The following SASH1 variants were observed in gnomAD, a reference collection of about 807,000 sequenced individuals.
The protein encoded by SASH1 is SAM and SH3 domain containing 1.
A neutral mutation model predicts 125.2 loss-of-function variants in SASH1; 44 were observed. The ratio of observed to expected loss-of-function variants is 0.35; its 90% CI spans 0.28 to 0.45. SASH1 has a LOEUF of 0.45. SASH1 is among the 20% of genes least tolerant of loss of function. The probability of loss-of-function intolerance (pLI) is 1.00; values close to 1 mark genes in which losing one functional copy is unlikely to be tolerated. For missense variants in SASH1, 1,426 were observed against 1,614.5 expected (o/e 0.88, Z 2.00); for synonymous variants, 639 against 649.1 (o/e 0.98, Z 0.24).
chr6:148,510,153 C>T (rs1287386270), intron 8 of SASH1, among the ~76,000 whole-genome samples: 1 of 152,176 alleles, frequency 6.6e-6, no homozygotes, highest in East Asian at 1.9e-4. Flanking sequence ...GCATTCACCA[C>T]AGAATTACTA....
At chr6:148,362,210 A>G (rs1316957179) in intron 1 of SASH1, among the ~76,000 whole-genome samples, 1 of 145,666 alleles carries the variant, frequency 6.9e-6, no homozygotes, top group Non-Finnish European at 1.5e-5. Flanking sequence ...TACAGGCGTG[A>G]GCCACCGTGC....
intron 1 of SASH1, among the ~76,000 whole-genome samples, chr6:148,360,620 A>C: frequency 7.4e-6 from 1 of 135,030 alleles, no homozygotes; most frequent in Non-Finnish European, 1.6e-5. Flanking sequence ...CAGTGTTGGG[A>C]TTACAGGCGT....
At chr6:148,196,687 GAAGGTCAAAATATA>G in the SASH1 span, among the ~76,000 whole-genome samples, 2 of 152,192 alleles carry the variant, frequency 1.3e-5, no homozygotes, top group African/African-American at 2.4e-5. Context: ...CTTGACTCAG[GAAGGTCAAAATATA>G]ATTGTGAGAT....
rs536421240 is a variant in SASH1, at chr6:148,375,374, A to G, written c.157-14760A>G. ...AAGAGGTTAACACACCTATTATCTC[A>G]CATAGTTAACTTTTTTTTTTTTTTG... On this transcript the variant is annotated intron_variant, in intron 1 of 19. Coordinates refer to ENST00000367467, the MANE Select transcript of SASH1 (RefSeq NM_015278.5). Among the ~76,000 whole-genome samples, 21 of 151,314 alleles carry G rather than the reference A, an allele frequency of 1.4e-4. No homozygotes were observed. In the South Asian group the frequency reaches 4.2e-3, roughly 30 times the overall value.
At chr6:148,389,174 T>C (rs1187201414) in intron 1 of SASH1, among the ~76,000 whole-genome samples, 1 of 152,224 alleles carries the variant, frequency 6.6e-6, no homozygotes, top group East Asian at 1.9e-4. Context: ...ATTTACTACA[T>C]GCCGGGTGGA....
In SASH1 at chr6:148,505,628, G is replaced by T. The variant is rs527617167; in HGVS notation, c.730-8696G>T. ...GCCTGGCTGGTTGTTGGGTTTTTTTGTTGTTGTTTTTTTTTTTCTTTTTTC... is the reference window on the plus strand; with the variant it reads ...GCCTGGCTGGTTGTTGGGTTTTTTTTTTGTTGTTTTTTTTTTTCTTTTTTC... On this transcript the variant is annotated intron_variant, in intron 8 of 19. Transcript: ENST00000367467. Among the ~76,000 whole-genome samples the T allele has an allele frequency of 2.4e-4, 36 of 148,472 alleles. No homozygotes were observed. In the East Asian group the frequency reaches 4.7e-3, roughly 19 times the overall value.
At chr6:148,201,032 A>G in the SASH1 span, among the ~76,000 whole-genome samples, 1 of 152,150 alleles carries the variant, frequency 6.6e-6, no homozygotes, top group Admixed American at 6.5e-5. Context: ...GTTGTATTCA[A>G]TATAGAGTCT....
chr6:148,449,079 T>TTTCTTTTTCTTTTTTTTTTTC (rs1562420043), intron 4 of SASH1, among the ~76,000 whole-genome samples: 1,251 of 61,270 alleles, frequency 0.02, 33 homozygotes, highest in African/African-American at 0.061. Context: ...ATTTCATTTC[T>TTTCTTTTTCTTTTTTTTTTTC]TTTTTTTTTT....
At chr6:148,475,109 G>A (rs563356467) in intron 7 of SASH1, among the ~76,000 whole-genome samples, 1 of 152,274 alleles carries the variant, frequency 6.6e-6, no homozygotes, top group African/African-American at 2.4e-5. Flanking sequence ...CTGCTTTGTT[G>A]TTGAACAACA....
intron 4 of SASH1, among the ~76,000 whole-genome samples, chr6:148,451,531 G>C (rs11155571): frequency 0.42 from 63,431 of 151,894 alleles, 13,450 homozygotes; most frequent in Non-Finnish European, 0.48. Context: ...AGCACGGTGA[G>C]ATGCGCCTGT....
At chr6:148,522,480 G>A (rs184611255) in intron 10 of SASH1, among the ~76,000 whole-genome samples, 34 of 151,998 alleles carry the variant, frequency 2.2e-4, no homozygotes, top group Non-Finnish European at 3.5e-4. Flanking sequence ...TTTGTCTTTC[G>A]AAAATGCCAT....
intron 1 of SASH1, among the ~76,000 whole-genome samples, chr6:148,364,480 A>G (rs1782370714): frequency 1.3e-5 from 2 of 152,220 alleles, no homozygotes; most frequent in East Asian, 1.9e-4. Context: ...GCGATGGATT[A>G]CAAAAGCAAG....
intron 8 of SASH1, among the ~76,000 whole-genome samples, chr6:148,504,560 T>TC (rs1779696410): frequency 6.6e-6 from 1 of 152,080 alleles, no homozygotes; most frequent in South Asian, 2.1e-4. Context: ...TCCCAATCTG[T>TC]CCCTCACCAG....
chr6:148,269,757 TG>T (rs554761961), upstream of SASH1, among the ~76,000 whole-genome samples: 2 of 152,024 alleles, frequency 1.3e-5, no homozygotes, highest in Admixed American at 6.6e-5. Flanking sequence ...CTGAGGGGTG[TG>T]GGGGGGCACA....
chr6:148,238,625 T>TAC, the SASH1 span, among the ~76,000 whole-genome samples: 2,487 of 149,530 alleles, frequency 0.017, 24 homozygotes, highest in South Asian at 0.041. Flanking sequence ...TACACACACA[T>TAC]ACACACACAC....
chr6:148,369,035 G>T (rs551175334), intron 1 of SASH1, among the ~76,000 whole-genome samples: 1 of 152,208 alleles, frequency 6.6e-6, no homozygotes. Flanking sequence ...GTGCAACATT[G>T]TGGTGGAGCT....
intron 1 of SASH1, among the ~76,000 whole-genome samples, chr6:148,334,647 A>G (rs1010224782): frequency 6.6e-6 from 1 of 151,572 alleles, no homozygotes; most frequent in Non-Finnish European, 1.5e-5. Flanking sequence ...CCCCATCTCT[A>G]CTAAAAATAC....
chr6:148,470,790 C>G (rs1778068081), intron 5 of SASH1, among the ~76,000 whole-genome samples: 1 of 152,006 alleles, frequency 6.6e-6, no homozygotes, highest in Non-Finnish European at 1.5e-5. Flanking sequence ...AGGTGGGTCA[C>G]CAGGTAGCCT....
chr6:148,202,943 G>A, the SASH1 span, among the ~76,000 whole-genome samples: 1 of 151,442 alleles, frequency 6.6e-6, no homozygotes, highest in African/African-American at 2.4e-5. Flanking sequence ...AACAGAGCAA[G>A]GCTGTGTCAA....
Sources: allele counts gnomAD v4.1 joint callset (sites outside exome capture counted in the v4.1 genomes callset), GRCh38; gene constraint gnomAD v4.1.1; transcripts MANE v1.5; gene names NCBI Gene and HGNC (gene_info 2026-07-23, HGNC 2026-07-21).